GADL1: variants seen among roughly 807,000 people sequenced by gnomAD.
GADL1 encodes the protein acidic amino acid decarboxylase GADL1.
GADL1 carries 71 observed loss-of-function variants against 69.5 expected under a neutral mutation model. The ratio of observed to expected loss-of-function variants is 1.02; its 90% confidence interval spans 0.84 to 1.25. The LOEUF (loss-of-function observed/expected upper bound fraction) is 1.25. Ranked by LOEUF, GADL1 falls within the 50% of genes most tolerant of loss-of-function variation. The pLI is 0.00. For synonymous variants in GADL1, 254 were observed against 214.4 expected, an observed-to-expected ratio of 1.18 and a Z score of -1.62; for missense variants, 737 against 631.8, an observed-to-expected ratio of 1.17 and a Z score of -1.79.
intron 12 of GADL1, among the ~76,000 whole-genome samples, chr3:30,789,285 G>A (rs1423304844): frequency 6.6e-6 from 1 of 152,198 alleles, no homozygotes; most frequent in East Asian, 1.9e-4. Flanking sequence ...TTGTCAATGA[G>A]CAGTAATATT....
chr3:30,824,808 G>A (rs186347301), intron 11 of GADL1, among the ~76,000 whole-genome samples: 188 of 151,846 alleles, frequency 1.2e-3, no homozygotes, highest in Non-Finnish European at 2.2e-3. Flanking sequence ...AAAGAAACAC[G>A]TGAAGATCTC....
chr3:30,855,870 AC>A (rs1698224024), intron 3 of GADL1, among the ~76,000 whole-genome samples: 1 of 151,666 alleles, frequency 6.6e-6, no homozygotes, highest in South Asian at 2.1e-4. Flanking sequence ...CAATAAAAAA[AC>A]AAGTCTCAAA....
At chr3:30,852,972 T>G (rs879512870) in intron 4 of GADL1, among the ~76,000 whole-genome samples, 1 of 152,172 alleles carries the variant, frequency 6.6e-6, no homozygotes, top group Non-Finnish European at 1.5e-5. Flanking sequence ...CTCCCTAAAG[T>G]TGCCAGTGAC....
intron 11 of GADL1, among the ~76,000 whole-genome samples, chr3:30,821,722 A>G (rs1480044967): frequency 6.6e-6 from 1 of 151,482 alleles, no homozygotes; most frequent in Admixed American, 6.6e-5. Flanking sequence ...AAGAATAAAT[A>G]GATGATAATA....
chr3:30,741,190 A>ATATGTGTGTGTGTGTGTG lies in GADL1; in HGVS notation c.1393-12776_1393-12775insCACACACACACACACATA, dbSNP rs747105488. Among the ~76,000 whole-genome samples the ATATGTGTGTGTGTGTGTG allele has an allele frequency of 5.5e-3, 736 of 132,614 alleles. 13 individuals are homozygous for ATATGTGTGTGTGTGTGTG. The highest frequency in any genetic ancestry group is 0.02 in the South Asian group (87 of 4,326). The allele number at this position is 132,614 out of a possible 152,430, so 87.0% of individuals were successfully genotyped here. A position where few individuals can be genotyped will look rare whatever the true frequency, so the allele number is the denominator to read the frequency against. On this transcript the variant is annotated intron_variant, in intron 14 of 14. Coordinates refer to ENST00000282538, the MANE Select transcript of GADL1 (RefSeq NM_207359.3). Reference sequence around the variant, plus strand: ...TAAATATTATATATATTATATAATTATGTGTGTGTGTGTGTGTGTGTGTGT... The same window carrying ATATGTGTGTGTGTGTGTG: ...TAAATATTATATATATTATATAATTATATGTGTGTGTGTGTGTGTGTGTGTGTGTGTGTGTGTGTGTGT...
rs775969862 is a variant in GADL1, at chr3:30,728,361, A to T, written c.1447T>A (p.Tyr483Asn). 1 of 1,613,854 alleles carries T rather than the reference A, an allele frequency of 6.2e-7. No individual in the cohort carries two copies. The part of the protein sequence containing the change: ...MMKKGSLMLG[Y>N]QPHRGKVNFF... ...TTGACCTTTCCCCGGTGCGGCTGGTAGCCCAGCATCAAGCTTCCCTTCTTC... is the reference window on the plus strand; with the variant it reads ...TTGACCTTTCCCCGGTGCGGCTGGTTGCCCAGCATCAAGCTTCCCTTCTTC... Residue 483 changes from tyrosine (Y) to asparagine (N), a missense_variant, in exon 15 of 15, where the codon TAC (tyrosine) becomes AAC (asparagine). Physicochemically the swap from Tyr to Asn is moderately radical, Grantham distance 143 (BLOSUM62 -2). Coordinates refer to ENST00000282538, the MANE Select transcript of GADL1 (RefSeq NM_207359.3).
chr3:30,762,839 G>A (rs1314625280), intron 14 of GADL1, among the ~76,000 whole-genome samples: 2 of 120,126 alleles, frequency 1.7e-5, no homozygotes, highest in South Asian at 2.5e-4. Flanking sequence ...AACATGTGAT[G>A]TTAGTCTTTC....
intron 14 of GADL1, among the ~76,000 whole-genome samples, chr3:30,752,348 A>G (rs1188276218): frequency 6.6e-6 from 1 of 151,928 alleles, no homozygotes; most frequent in African/African-American, 2.4e-5. Context: ...TTACGGGTGC[A>G]GTTTAAGCAC....
At chr3:30,760,728 A>G (rs1305713365) in intron 14 of GADL1, among the ~76,000 whole-genome samples, 2 of 152,172 alleles carry the variant, frequency 1.3e-5, no homozygotes, top group African/African-American at 2.4e-5. Flanking sequence ...TTGTAAAGCA[A>G]TGAGTGGTTT....
Position 30,853,376 on chromosome 3 carries a change from C to T in GADL1, c.428+1323G>A, listed in dbSNP as rs1698179521. ...TTCTCAAGTGATTTTCATGAATAGT[C>T]AGGGTGGTGAATCACTGACATAGGA... On this transcript the variant is annotated intron_variant, in intron 4 of 14. Coordinates refer to ENST00000282538, the MANE Select transcript of GADL1 (RefSeq NM_207359.3). Among the ~76,000 whole-genome samples the T allele has an allele frequency of 2.0e-5, 3 of 152,136 alleles. No individual in the cohort carries two copies. In the South Asian group the frequency reaches 6.2e-4, roughly 31 times the overall value.
At chr3:30,748,485 G>GCCGGAATGTCAGCAT (rs146046284) in intron 14 of GADL1, among the ~76,000 whole-genome samples, 3,322 of 152,128 alleles carry the variant, frequency 0.022, 111 homozygotes, top group African/African-American at 0.075. Context: ...GTTTCCTTCT[G>GCCGGAATGTCAGCAT]CCGGAATGTC....
chr3:30,878,463 C>T (rs1028226143), intron 1 of GADL1, among the ~76,000 whole-genome samples: 3 of 151,896 alleles, frequency 2.0e-5, no homozygotes, highest in Non-Finnish European at 4.4e-5. Flanking sequence ...TGAAGTATCT[C>T]TGTAAATTAT....
chr3:30,882,872 G>A (rs1405857146), intron 1 of GADL1, among the ~76,000 whole-genome samples: 1 of 151,782 alleles, frequency 6.6e-6, no homozygotes, highest in East Asian at 1.9e-4. Flanking sequence ...CATCTTAATG[G>A]ATGTAAGGTG....
chr3:30,779,231 CAT>C (rs1298216873), intron 13 of GADL1, among the ~76,000 whole-genome samples: 1 of 152,330 alleles, frequency 6.6e-6, no homozygotes, highest in South Asian at 2.1e-4. Context: ...ACAAATTAGA[CAT>C]ATAGAATTGT....
chr3:30,761,966 T>TA (rs1396072182), intron 14 of GADL1, among the ~76,000 whole-genome samples: 1 of 152,102 alleles, frequency 6.6e-6, no homozygotes, highest in East Asian at 1.9e-4. Flanking sequence ...AGTGAGAATC[T>TA]AATAGAGTAT....
intron 11 of GADL1, among the ~76,000 whole-genome samples, chr3:30,828,297 G>C (rs2125520984): frequency 6.6e-6 from 1 of 151,946 alleles, no homozygotes; most frequent in East Asian, 1.9e-4. Context: ...TAAGTAACCT[G>C]CTTCTCAGGT....
intron 11 of GADL1, among the ~76,000 whole-genome samples, chr3:30,807,850 G>A (rs1245137701): frequency 6.6e-6 from 1 of 151,892 alleles, no homozygotes; most frequent in Non-Finnish European, 1.5e-5. Flanking sequence ...TGGCCAACAT[G>A]GCGAAACACC....
At chr3:30,736,726 TC>T (rs1487246081) in intron 14 of GADL1, among the ~76,000 whole-genome samples, 1 of 152,158 alleles carries the variant, frequency 6.6e-6, no homozygotes, top group Non-Finnish European at 1.5e-5. Flanking sequence ...CCATTTAAGT[TC>T]CAGGATTTTT....
At chr3:30,800,852 GAAA>G in intron 12 of GADL1, 34 bp downstream of exon 12, 3 of 1,226,580 alleles carry the variant, frequency 2.4e-6, no homozygotes, top group Non-Finnish European at 3.3e-6. Context: ...CACACACACA[GAAA>G]GAGAGAGAGA....
Sources: allele counts gnomAD v4.1 joint callset (sites outside exome capture counted in the v4.1 genomes callset), GRCh38; gene constraint gnomAD v4.1.1; transcripts MANE v1.5; gene names NCBI Gene and HGNC (gene_info 2026-07-23, HGNC 2026-07-21).